The following CYP2J2 variants were observed in gnomAD, a reference collection of about 807,000 sequenced individuals.
CYP2J2 encodes the protein cytochrome P450 family 2 subfamily J member 2.
In CYP2J2, 41 loss-of-function variants were observed where a neutral mutation model predicts 48.8. The ratio of observed to expected loss-of-function variants is 0.84; its 90% confidence interval spans 0.66 to 1.09. The LOEUF (loss-of-function observed/expected upper bound fraction) is 1.09, where lower values mean the gene tolerates loss of function less well. Among genes scored for constraint, CYP2J2 ranks in the 50% least tolerant of loss-of-function variants. The probability of loss-of-function intolerance (pLI) is 0.00; values close to 1 mark genes in which losing one functional copy is unlikely to be tolerated. For synonymous variants in CYP2J2, 221 were observed against 227.1 expected (o/e 0.97, Z 0.24); for missense variants, 644 against 617.3 (o/e 1.04, Z -0.46).
chr1:59,902,429 C>CTT (rs79262501), intron 7 of CYP2J2, among the ~76,000 whole-genome samples: 7 of 149,518 alleles, frequency 4.7e-5, no homozygotes, highest in African/African-American at 1.2e-4. Context: ...TTAGTAATAA[C>CTT]TTTTTTTTTT....
chr1:59,907,985 C>T (rs376536432), intron 5 of CYP2J2, 58 bp from the exon 6 acceptor site: 55 of 1,558,156 alleles, frequency 3.5e-5, no homozygotes, highest in African/African-American at 2.0e-4. Context: ...TCCTGATTGC[C>T]GTAACACAAA....
chr1:59,959,681 G>A, the CYP2J2 span, among the ~76,000 whole-genome samples: 1 of 151,724 alleles, frequency 6.6e-6, no homozygotes, highest in Non-Finnish European at 1.5e-5. Flanking sequence ...ATATACATAT[G>A]TATATGTATA....
chr1:59,934,609 T>C, the CYP2J2 span, among the ~76,000 whole-genome samples: 1 of 152,056 alleles, frequency 6.6e-6, no homozygotes, highest in Non-Finnish European at 1.5e-5. Flanking sequence ...GAAATGATGC[T>C]CAATGTCACT....
intron 1 of CYP2J2, among the ~76,000 whole-genome samples, chr1:59,921,766 C>T (rs1644517594): frequency 6.6e-6 from 1 of 152,014 alleles, no homozygotes; most frequent in Admixed American, 6.5e-5. Flanking sequence ...CTAGAAGAGC[C>T]ATGGCAAGAT....
the CYP2J2 span, among the ~76,000 whole-genome samples, chr1:59,960,671 C>T: frequency 2.6e-5 from 4 of 152,118 alleles, no homozygotes; most frequent in South Asian, 2.1e-4. Context: ...GGTGAAACCC[C>T]GACTCTAGTA....
At position 59,893,846 on chromosome 1, in the gene CYP2J2, A is replaced by G. The variant is rs370030743; in HGVS notation, c.1331-17T>C. 9.4e-6 allele frequency: 15 copies of G among 1,587,854 alleles called. No individual in the cohort carries two copies. The African/African-American group carries it at 1.9e-4, about 20-fold the overall frequency. The stretch of plus-strand genomic sequence containing the variant: ...CCCGCTTTCCTGTAAGACAAAATCA[A>G]AAGACGGGTTATCTTCTCAGGTGGC... On this transcript the variant is annotated splice_polypyrimidine_tract_variant and intron_variant, in intron 8 of 8. Transcript: ENST00000371204.
chr1:59,926,474 G>T, intron 1 of CYP2J2, 63 bp downstream of exon 1: 2 of 1,438,850 alleles, frequency 1.4e-6, no homozygotes, highest in Non-Finnish European at 2.0e-6. Flanking sequence ...TTGCCGGAAC[G>T]TCCCTTGTGC....
the CYP2J2 span, among the ~76,000 whole-genome samples, chr1:59,950,580 ATAGT>A: frequency 6.6e-6 from 1 of 152,146 alleles, no homozygotes; most frequent in Admixed American, 6.6e-5. Flanking sequence ...AACAAAGGAG[ATAGT>A]TAGGCTGTTT....
At chr1:59,925,014 G>C (rs973940784) in intron 1 of CYP2J2, among the ~76,000 whole-genome samples, 4 of 152,010 alleles carry the variant, frequency 2.6e-5, no homozygotes, top group Admixed American at 2.0e-4. Flanking sequence ...TATTATATCA[G>C]ATAAAGTACA....
intron 2 of CYP2J2, chr1:59,912,660 A>T (rs1026452486): frequency 5.0e-6 from 1 of 198,142 alleles, no homozygotes; most frequent in South Asian, 1.1e-4. Flanking sequence ...ACAGTAAGTA[A>T]GCAACTAAAC....
chr1:59,966,080 A>G, the CYP2J2 span, among the ~76,000 whole-genome samples: 1 of 152,162 alleles, frequency 6.6e-6, no homozygotes. Flanking sequence ...GAAGGCTTGT[A>G]ATGTTTAAGA....
chr1:59,950,851 GTC>G, the CYP2J2 span, among the ~76,000 whole-genome samples: 4 of 152,136 alleles, frequency 2.6e-5, 1 homozygote, highest in Non-Finnish European at 5.9e-5. Flanking sequence ...TGTCCGCATG[GTC>G]TCTGACTGTT....
chr1:59,961,295 T>C, the CYP2J2 span, among the ~76,000 whole-genome samples: 9 of 152,126 alleles, frequency 5.9e-5, 1 homozygote, highest in South Asian at 8.3e-4. Context: ...AAAAGGCAAA[T>C]AACACAATTA....
At chr1:59,959,440 T>C in the CYP2J2 span, among the ~76,000 whole-genome samples, 1 of 152,008 alleles carries the variant, frequency 6.6e-6, no homozygotes, top group Non-Finnish European at 1.5e-5. Context: ...AGTCATTATG[T>C]GAGAAAGACA....
the CYP2J2 span, among the ~76,000 whole-genome samples, chr1:59,952,299 T>C: frequency 5.4e-5 from 8 of 149,504 alleles, no homozygotes; most frequent in South Asian, 2.1e-4. Context: ...CAATTCTCTA[T>C]GCGTATGCTT....
the CYP2J2 span, among the ~76,000 whole-genome samples, chr1:59,934,997 T>TATATATATATATATATAC: frequency 2.0e-5 from 1 of 50,030 alleles, no homozygotes; most frequent in Non-Finnish European, 3.5e-5. Context: ...GGGATATATA[T>TATATATATATATATATAC]ATATATATAT....
chr1:59,924,966 T>C (rs1030899350), intron 1 of CYP2J2, among the ~76,000 whole-genome samples: 3 of 152,108 alleles, frequency 2.0e-5, no homozygotes, highest in African/African-American at 2.4e-5. Flanking sequence ...GAAATGCATA[T>C]ACCATGCACA....
At chr1:59,936,233 TGTG>T in the CYP2J2 span, among the ~76,000 whole-genome samples, 1 of 152,254 alleles carries the variant, frequency 6.6e-6, no homozygotes, top group South Asian at 2.1e-4. Context: ...AACTGAAGTT[TGTG>T]TATTTGAAAT....
the CYP2J2 span, among the ~76,000 whole-genome samples, chr1:59,941,235 TTCAG>T: frequency 1.7e-3 from 257 of 152,324 alleles, no homozygotes; most frequent in African/African-American, 5.9e-3. Flanking sequence ...AAAATGATGT[TTCAG>T]TCAGTGATGG....
Sources: allele counts gnomAD v4.1 joint callset (sites outside exome capture counted in the v4.1 genomes callset), GRCh38; gene constraint gnomAD v4.1.1; transcripts MANE v1.5; gene names NCBI Gene and HGNC (gene_info 2026-07-23, HGNC 2026-07-21).